PRIM2: variants seen among roughly 807,000 people sequenced by gnomAD.
PRIM2 encodes DNA primase subunit 2, also known as DNA primase large subunit.
Under a neutral mutation model 67.3 loss-of-function variants are expected in PRIM2, and 39 were observed. The ratio of observed to expected loss-of-function variants is 0.58; its 90% CI spans 0.45 to 0.76. The LOEUF (loss-of-function observed/expected upper bound fraction) is 0.76. Among genes scored for constraint, PRIM2 ranks in the 30% least tolerant of loss-of-function variants. The probability of loss-of-function intolerance (pLI) is 0.00; values close to 1 mark genes in which losing one functional copy is unlikely to be tolerated. For missense variants in PRIM2, 398 were observed against 598.7 expected (o/e 0.66, Z 3.50); for synonymous variants, 143 against 198.7 (o/e 0.72, Z 2.36).
chr6:57,244,753 A>AG, the PRIM2 span, among the ~76,000 whole-genome samples: 4 of 151,770 alleles, frequency 2.6e-5, no homozygotes, highest in Non-Finnish European at 5.9e-5. Flanking sequence ...AAAAAAAAAA[A>AG]AATTGCTTAA....
chr6:57,620,898 T>TA (rs1489653997), intron 12 of PRIM2, among the ~76,000 whole-genome samples: 3 of 126,152 alleles, frequency 2.4e-5, no homozygotes, highest in Non-Finnish European at 5.2e-5. Context: ...GCATTTCATG[T>TA]AAATGGACAC....
upstream of PRIM2, among the ~76,000 whole-genome samples, chr6:57,314,230 A>G (rs987392819): frequency 3.3e-5 from 5 of 152,164 alleles, no homozygotes; most frequent in African/African-American, 1.2e-4. Flanking sequence ...ACAATTCAGT[A>G]TGGGCTGGGC....
intron 7 of PRIM2, among the ~76,000 whole-genome samples, chr6:57,461,019 A>C (rs1221945276): frequency 6.5e-5 from 8 of 123,254 alleles, no homozygotes; most frequent in Admixed American, 5.0e-4. Flanking sequence ...AAGACAGATA[A>C]AAGTCTATAT....
chr6:57,287,111 G>A, the PRIM2 span, among the ~76,000 whole-genome samples: 1 of 152,322 alleles, frequency 6.6e-6, no homozygotes, highest in East Asian at 1.9e-4. Flanking sequence ...GGAAACAACA[G>A]ATGCTGGTGA....
At chr6:57,432,711 C>A (rs1456371956) in intron 7 of PRIM2, among the ~76,000 whole-genome samples, 1 of 152,154 alleles carries the variant, frequency 6.6e-6, no homozygotes, top group Non-Finnish European at 1.5e-5. Flanking sequence ...ATATACCTCA[C>A]AGGATGTTAA....
chr6:57,519,958 T>C (rs1774577167), intron 8 of PRIM2, among the ~76,000 whole-genome samples: 1 of 152,232 alleles, frequency 6.6e-6, no homozygotes, highest in Non-Finnish European at 1.5e-5. Context: ...CAACAACTTA[T>C]TCAAATGTTG....
chr6:57,483,785 A>G (rs1445466172), intron 7 of PRIM2, among the ~76,000 whole-genome samples: 1 of 152,222 alleles, frequency 6.6e-6, no homozygotes, highest in African/African-American at 2.4e-5. Context: ...TTGATCATCA[A>G]TCACTAAGAC....
upstream of PRIM2, among the ~76,000 whole-genome samples, chr6:57,313,251 A>T (rs998968656): frequency 5.3e-5 from 8 of 152,158 alleles, no homozygotes; most frequent in South Asian, 2.1e-4. Flanking sequence ...AAAACTTTAC[A>T]TTCTTCTTTT....
intron 5 of PRIM2, among the ~76,000 whole-genome samples, chr6:57,331,541 G>A (rs1292352174): frequency 6.6e-6 from 1 of 152,124 alleles, no homozygotes; most frequent in Non-Finnish European, 1.5e-5. Flanking sequence ...GCTTCTCTTT[G>A]TGGGTCATTA....
chr6:57,379,430 T>G (rs1769880446), intron 5 of PRIM2, among the ~76,000 whole-genome samples: 1 of 151,580 alleles, frequency 6.6e-6, no homozygotes, highest in Non-Finnish European at 1.5e-5. Flanking sequence ...GATAATAAAT[T>G]TATAGTTGTT....
intron 7 of PRIM2, among the ~76,000 whole-genome samples, chr6:57,476,892 CATG>C (rs1773490965): frequency 6.6e-6 from 1 of 152,138 alleles, no homozygotes; most frequent in African/African-American, 2.4e-5. Flanking sequence ...GGATTACAGG[CATG>C]AGCCACCATG....
chr6:57,463,678 CCTT>C (rs1410541005), intron 7 of PRIM2, among the ~76,000 whole-genome samples: 4 of 152,130 alleles, frequency 2.6e-5, no homozygotes, highest in East Asian at 1.9e-4. Context: ...ACCTGTCTGA[CCTT>C]CTTTACATTA....
At chr6:57,228,098 G>C in the PRIM2 span, among the ~76,000 whole-genome samples, 1 of 152,070 alleles carries the variant, frequency 6.6e-6, no homozygotes, top group Non-Finnish European at 1.5e-5. Flanking sequence ...CCTGGTTTTT[G>C]GTTTTTATTT....
chr6:57,622,772 C>T (rs1776882556), intron 12 of PRIM2, among the ~76,000 whole-genome samples: 1 of 151,996 alleles, frequency 6.6e-6, no homozygotes, highest in Admixed American at 6.6e-5. Flanking sequence ...GGTTGGTTAA[C>T]CTCTGTTTTT....
At chr6:57,298,419 C>T in the PRIM2 span, among the ~76,000 whole-genome samples, 1 of 151,932 alleles carries the variant, frequency 6.6e-6, no homozygotes, top group African/African-American at 2.4e-5. Flanking sequence ...TTAAAAAAAA[C>T]ATCAATTCAC....
intron 10 of PRIM2, among the ~76,000 whole-genome samples, chr6:57,590,812 G>T (rs1379435245): frequency 1.3e-5 from 2 of 152,166 alleles, no homozygotes; most frequent in Non-Finnish European, 2.9e-5. Flanking sequence ...CTGTGTGCAG[G>T]ACGCTATACC....
At chr6:57,522,253 A>G (rs1415146978) in intron 8 of PRIM2, among the ~76,000 whole-genome samples, 1 of 152,214 alleles carries the variant, frequency 6.6e-6, no homozygotes, top group African/African-American at 2.4e-5. Context: ...TATTTTGTTT[A>G]TGACTTGGCA....
the PRIM2 span, among the ~76,000 whole-genome samples, chr6:57,264,277 C>T: frequency 1.3e-5 from 2 of 152,074 alleles, no homozygotes; most frequent in African/African-American, 4.8e-5. Context: ...GTACCTGAAG[C>T]CCTCTTTAGT....
At chr6:57,309,387 G>A in the PRIM2 span, among the ~76,000 whole-genome samples, 23 of 146,716 alleles carry the variant, frequency 1.6e-4, no homozygotes, top group South Asian at 2.2e-4. Flanking sequence ...GAGAATATGC[G>A]GTGTTTGGTT....
Sources: gnomAD v4.1 joint callset for allele counts (sites outside exome capture counted in the v4.1 genomes callset) on GRCh38, gnomAD v4.1.1 for gene constraint, MANE v1.5 for transcripts, NCBI Gene and HGNC (gene_info 2026-07-23, HGNC 2026-07-21) for gene names.